The following CIITA variants were observed in gnomAD, a reference collection of about 807,000 sequenced individuals.
CIITA encodes the protein MHC class II transactivator.
CIITA carries 72 observed loss-of-function variants against 115.1 expected under a neutral mutation model. The observed-to-expected ratio is 0.63, with a 90% CI of 0.52 to 0.76. CIITA has a LOEUF of 0.76. Among genes scored for constraint, CIITA ranks in the 30% least tolerant of loss-of-function variants. The pLI is 0.00. For missense variants in CIITA, 1,617 were observed against 1,463.8 expected, an observed-to-expected ratio of 1.10 and a Z score of -1.71; for synonymous variants, 763 against 635.6, an observed-to-expected ratio of 1.20 and a Z score of -3.02.
chr16:10,919,272 C>A (rs937504924), intron 16 of CIITA, among the ~76,000 whole-genome samples: 7 of 6,676 alleles, frequency 1.0e-3, no homozygotes, highest in Non-Finnish European at 7.2e-3. Flanking sequence ...CAGCTCACTG[C>A]AACTTCTGCC....
Position 10,934,696 on chromosome 16 carries a change from G to C in CIITA, c.*10841G>C, listed in dbSNP as rs1306017739. 6.6e-6 allele frequency: 1 copy of C among 152,218 alleles called. No homozygotes were observed. The highest frequency in any genetic ancestry group is 1.5e-5 in the Non-Finnish European group (1 of 68,048). 9.4% of individuals were successfully genotyped at this position (152,218 alleles called of 1,614,324 possible). A position where few individuals can be genotyped will look rare whatever the true frequency, so the allele number is the denominator to read the frequency against. On this transcript the variant is annotated 3_prime_UTR_variant, in exon 20 of 20. Transcript: ENST00000324288. The surrounding 1 kb of genome is among the most constrained non-coding windows in gnomAD (Gnocchi z 4.2). ...AGGGTGATGCTTGGGGCAGGTGATG[G>C]AGATGTGGGAGAGGCAGTTATTTTT...
rs76821690 is a variant in CIITA at position 10,879,738 on chromosome 16, C to T, written c.52+2356C>T. Reference sequence around the variant, plus strand: ...CACCCTCTAAGGAGAGAGGCTAAAGCGCCCCGGAAAGCCAGCGTGCGAATG... The same window carrying T: ...CACCCTCTAAGGAGAGAGGCTAAAGTGCCCCGGAAAGCCAGCGTGCGAATG... On this transcript the variant is annotated intron_variant, in intron 1 of 19. Transcript: ENST00000324288. The surrounding 1 kb of genome is among the most constrained non-coding windows in gnomAD (Gnocchi z 4.3). Among the ~76,000 whole-genome samples, 1 of 152,164 alleles carries T rather than the reference C, an allele frequency of 6.6e-6. No homozygotes were observed. Among genetic ancestry groups the T allele is most frequent in the Non-Finnish European group, 1.5e-5 (1 of 68,022 alleles).
rs114997324 is a variant in CIITA, at chr16:10,914,146, A to G, written c.2889-1424A>G. On this transcript the variant is annotated intron_variant, in intron 13 of 19. Coordinates refer to ENST00000324288, the MANE Select transcript of CIITA (RefSeq NM_000246.4). ...GGGATTTTCGTCTGTTTGGCCCACA[A>G]CTTTCCTCCCTGGGCCTGGCACATA... Among the ~76,000 whole-genome samples, 929 of 152,242 alleles carry G rather than the reference A, an allele frequency of 6.1e-3. 13 individuals are homozygous for G. The highest frequency in any genetic ancestry group is 0.021 in the African/African-American group (891 of 41,524).
Position 10,929,477 on chromosome 16 carries a change from C to T in CIITA, c.*5622C>T. 1 of 985,782 alleles carries T rather than the reference C, an allele frequency of 1.0e-6. No homozygotes were observed. The allele number at this position is 985,782 out of a possible 1,614,324, so 61.1% of individuals were successfully genotyped here. ...GGAGCAGGTGCCTTCCCAACCTCAG[C>T]ACTCAGTCCCAATCTCTCTTCCACT... On this transcript the variant is annotated 3_prime_UTR_variant, in exon 20 of 20. Coordinates refer to ENST00000324288, the MANE Select transcript of CIITA (RefSeq NM_000246.4). This position sits in a 1 kb window ranked among gnomAD's most constrained non-coding sequence, Gnocchi z 4.3.
chr16:10,898,839 C>A (rs1261858046), intron 4 of CIITA, 86 bp from the exon 5 acceptor site: 2 of 1,591,012 alleles, frequency 1.3e-6, no homozygotes, highest in African/African-American at 1.3e-5. Context: ...GGCAGTCAGA[C>A]CCCTCTCCCC....
chr16:10,883,512 C>A (rs984831391), intron 1 of CIITA, among the ~76,000 whole-genome samples: 1 of 152,128 alleles, frequency 6.6e-6, no homozygotes, highest in African/African-American at 2.4e-5. Context: ...ATGGCCCATT[C>A]GAGTTTTAAG....
At chr16:10,891,619 T>G (rs1238533310) in intron 1 of CIITA, among the ~76,000 whole-genome samples, 1 of 151,994 alleles carries the variant, frequency 6.6e-6, no homozygotes, top group Non-Finnish European at 1.5e-5. Flanking sequence ...ATTGCTGCAA[T>G]GTAGGTTCTT....
chr16:10,924,173 A>T lies in CIITA; in HGVS notation c.*318A>T, dbSNP rs2040428583. The T allele has an allele frequency of 1.3e-5, 2 of 152,310 alleles. No homozygotes were observed. The highest frequency in any genetic ancestry group is 4.8e-5 in the African/African-American group (2 of 41,438). 9.4% of individuals were successfully genotyped at this position (152,310 alleles called of 1,614,324 possible). On this transcript the variant is annotated 3_prime_UTR_variant, in exon 20 of 20. Transcript: ENST00000324288. ...TTGCGGACAGCCACGGCCAGGCCAG[A>T]GGGAGTGACAGAGGCAGCCCCATTC...
chr16:10,866,398 T>C, intron 1 of CIITA: 1 of 566,638 alleles, frequency 1.8e-6, no homozygotes, highest in Non-Finnish European at 3.5e-6. Context: ...GGACCTCCTC[T>C]CCAGGGAATA....
intron 1 of CIITA, among the ~76,000 whole-genome samples, chr16:10,866,896 G>T (rs1596374253): frequency 6.6e-6 from 1 of 152,208 alleles, no homozygotes; most frequent in East Asian, 1.9e-4. Flanking sequence ...TGCCTTCAAA[G>T]GGGTCTGCTG....
At position 10,941,674 on chromosome 16, in the gene CIITA, G is replaced by A. The variant is rs759058623; in HGVS notation, n.800G>A. 2 of 1,562,036 alleles carry A rather than the reference G, an allele frequency of 1.3e-6. No homozygotes were observed. Among genetic ancestry groups the A allele is most frequent in the Non-Finnish European group, 8.7e-7 (1 of 1,150,920 alleles). On this transcript the variant is annotated non_coding_transcript_exon_variant, in exon 2 of 2. Transcript: ENST00000573379. This position sits in a 1 kb window ranked among gnomAD's most constrained non-coding sequence, Gnocchi z 6.4. ...GATCTGGGCGGCTGGTCCAGGGCAT[G>A]GGTTGCGGATCGTGTAGGGAAGAGG...
In CIITA at chr16:10,904,757, C is replaced by T. The variant is rs780590894; in HGVS notation, c.951C>T (p.Ser317=). 23 of 1,614,118 alleles carry T rather than the reference C, an allele frequency of 1.4e-5. No individual in the cohort carries two copies. The highest frequency in any genetic ancestry group is 1.9e-5 in the Non-Finnish European group (22 of 1,180,008). The change falls in exon 10 of 20, where the codon TCC becomes TCT. Residue 317 remains serine (S), a synonymous_variant. Coordinates refer to ENST00000324288, the MANE Select transcript of CIITA (RefSeq NM_000246.4). ...SRANMTEHKT[S]PTQCPAAGEV... The stretch of plus-strand genomic sequence containing the variant: ...CTCCATCTCCAGAGCACAAGACGTC[C>T]CCCACCCAATGCCCGGCAGCTGGAG...
At position 10,879,165 on chromosome 16, in the gene CIITA, A is replaced by ATTTAGGGCCT. The variant is rs1440350105; in HGVS notation, c.52+1783_52+1784insTTTAGGGCCT. The ATTTAGGGCCT allele has an allele frequency of 5.6e-6, 1 of 179,654 alleles. No individual in the cohort carries two copies. Among genetic ancestry groups the ATTTAGGGCCT allele is most frequent in the African/African-American group, 2.4e-5 (1 of 42,332 alleles). The allele number at this position is 179,654 out of a possible 1,614,324, so 11.1% of individuals were successfully genotyped here. ...GGGAGGATGGGGGGATGGAATATGC[A>ATTTAGGGCCT]AAATGTAGGGCCGGGAAACACCTCG... On this transcript the variant is annotated intron_variant, in intron 1 of 19. Transcript: ENST00000324288. This position sits in a 1 kb window ranked among gnomAD's most constrained non-coding sequence, Gnocchi z 4.3.
chr16:10,901,378 C>A lies in CIITA; in HGVS notation c.437-136C>A. On this transcript the variant is annotated intron_variant, in intron 5 of 19. Transcript: ENST00000324288. The surrounding 1 kb of genome is among the most constrained non-coding windows in gnomAD (Gnocchi z 6.8). ...AGGAGCTGGGGTTGGAATGTTAGAG[C>A]GAGGGGAGGAAAATGGACCCCCAAG... 2 of 850,350 alleles carry A rather than the reference C, an allele frequency of 2.4e-6. No individual in the cohort carries two copies. The highest frequency in any genetic ancestry group is 3.9e-6 in the Non-Finnish European group (2 of 517,352). The allele number at this position is 850,350 out of a possible 1,614,324, so 52.7% of individuals were successfully genotyped here. A position where few individuals can be genotyped will look rare whatever the true frequency, so the allele number is the denominator to read the frequency against.
chr16:10,876,165 CAAA>C (rs1413631431), upstream of CIITA, among the ~76,000 whole-genome samples: 1 of 151,548 alleles, frequency 6.6e-6, no homozygotes, highest in East Asian at 1.9e-4. Context: ...TAAAAAAAAA[CAAA>C]AACAAACAAA....
intron 1 of CIITA, among the ~76,000 whole-genome samples, chr16:10,880,593 C>T (rs1240215299): frequency 1.3e-5 from 2 of 152,224 alleles, no homozygotes; most frequent in East Asian, 3.9e-4. Flanking sequence ...TCCACAAATG[C>T]AGGGCAGGTC....
rs1045552913 is a variant in CIITA at position 10,928,332 on chromosome 16, G to A, written c.*4477G>A. On this transcript the variant is annotated 3_prime_UTR_variant, in exon 20 of 20. Coordinates refer to ENST00000324288, the MANE Select transcript of CIITA (RefSeq NM_000246.4). The stretch of plus-strand genomic sequence containing the variant: ...AATCCCTCTCTTGCTCTGTTGCCCA[G>A]GCTGGAATGCAGTGGCATGATCTCA... 3 of 152,424 alleles carry A rather than the reference G, an allele frequency of 2.0e-5. No homozygotes were observed. The East Asian group carries it at 5.8e-4, about 29-fold the overall frequency. The allele number at this position is 152,424 out of a possible 1,614,324, so 9.4% of individuals were successfully genotyped here. A position where few individuals can be genotyped will look rare whatever the true frequency, so the allele number is the denominator to read the frequency against.
intron 16 of CIITA, among the ~76,000 whole-genome samples, chr16:10,919,104 C>T (rs571131063): frequency 1.5e-4 from 23 of 152,346 alleles, no homozygotes; most frequent in African/African-American, 5.3e-4. Flanking sequence ...CTCTCCTCTT[C>T]GCCAGAGCTC....
At position 10,914,231 on chromosome 16, in the gene CIITA, G is replaced by C. The variant is rs566771712; in HGVS notation, c.2889-1339G>C. On this transcript the variant is annotated intron_variant, in intron 13 of 19. Transcript: ENST00000324288. ...TTAATCCAAGAACCCCCATAAGATTGGGGTGAAATATTTGAGGAGATCAAG... is the reference window on the plus strand; with the variant it reads ...TTAATCCAAGAACCCCCATAAGATTCGGGTGAAATATTTGAGGAGATCAAG... Among the ~76,000 whole-genome samples, 6 of 152,234 alleles carry C rather than the reference G, an allele frequency of 3.9e-5. No individual in the cohort carries two copies. The East Asian group carries it at 1.2e-3, about 29-fold the overall frequency.
Sources: allele counts gnomAD v4.1 joint callset (sites outside exome capture counted in the v4.1 genomes callset), GRCh38; gene constraint gnomAD v4.1.1; non-coding constraint Gnocchi (gnomAD v3.1); transcripts MANE v1.5; gene names NCBI Gene and HGNC (gene_info 2026-07-23, HGNC 2026-07-21).